Variants in DYNC1H1 observed in about 807,000 individuals in gnomAD.
The protein encoded by DYNC1H1 is cytoplasmic dynein 1 heavy chain 1.
Under a neutral mutation model 527.1 loss-of-function variants are expected in DYNC1H1, and 51 were observed. The ratio of observed to expected loss-of-function variants is 0.10; its 90% CI spans 0.08 to 0.12. The LOEUF is 0.12. Ranked by LOEUF, DYNC1H1 falls within the 10% of genes least tolerant of loss-of-function variation. The pLI, the probability that DYNC1H1 is intolerant of heterozygous loss-of-function variation, is 1.00. For missense variants in DYNC1H1, 2,771 were observed against 5,971.8 expected, an observed-to-expected ratio of 0.46 and a Z score of 17.66; for synonymous variants, 2,189 against 2,278.8, an observed-to-expected ratio of 0.96 and a Z score of 1.12.
rs11850726 is a variant in DYNC1H1 at position 102,000,160 on chromosome 14, G to T, written c.3960+16G>T. On this transcript the variant is annotated intron_variant, in intron 17 of 77. Coordinates refer to ENST00000360184, the MANE Select transcript of DYNC1H1 (RefSeq NM_001376.5). ...GCGCGTGCAGGTATGAACCACTGGG[G>T]AGTGGGTGGAGAATCCCGCTCCCCA... 6.2e-7 allele frequency: 1 copy of T among 1,614,176 alleles called. No homozygotes were observed. The highest frequency in any genetic ancestry group is 8.5e-7 in the Non-Finnish European group (1 of 1,180,024).
In DYNC1H1 at chr14:101,964,876, T is replaced by A; in HGVS notation, c.185T>A (p.Leu62Gln). The stretch of plus-strand genomic sequence containing the variant: ...GCGGCGCTGGAGGAGAAGAGCGCCC[T>A]GGAGCAGATGCGCAAGTTCCTTTCG... The part of the protein sequence containing the change: ...LEAALEEKSA[L>Q]EQMRKFLSDP... The change falls in exon 1 of 78, where the codon CTG becomes CAG. Residue 62 changes from leucine (L) to glutamine (Q), a missense_variant. Around this residue, in one of 32 missense-constraint regions of DYNC1H1, gnomAD observed 101 missense variants for 105.3 expected, o/e 0.96. Transcript: ENST00000360184. This position sits in a 1 kb window ranked among gnomAD's most constrained non-coding sequence, Gnocchi z 5.5. 1 of 1,598,582 alleles carries A rather than the reference T, an allele frequency of 6.3e-7. No homozygotes were observed. The highest frequency in any genetic ancestry group is 8.5e-7 in the Non-Finnish European group (1 of 1,173,668).
At chr14:102,050,220 C>T in intron 77 of DYNC1H1, 22 bp downstream of exon 77, 1 of 1,613,942 alleles carries the variant, frequency 6.2e-7, no homozygotes. Context: ...CTGCCTTTCC[C>T]AGGCATTCTG....
In DYNC1H1 at chr14:101,985,613, T is replaced by A; in HGVS notation, c.1462-74T>A. 6.4e-7 allele frequency: 1 copy of A among 1,559,088 alleles called. No homozygotes were observed. The stretch of plus-strand genomic sequence containing the variant: ...TGCTGGGATTACAGGTGTGAGCCAC[T>A]GCACCCGGCTTAAAATAAATTTTAA... On this transcript the variant is annotated intron_variant, in intron 7 of 77. Coordinates refer to ENST00000360184, the MANE Select transcript of DYNC1H1 (RefSeq NM_001376.5). This position sits in a 1 kb window ranked among gnomAD's most constrained non-coding sequence, Gnocchi z 5.9.
intron 1 of DYNC1H1, among the ~76,000 whole-genome samples, chr14:101,966,701 AT>A (rs563681313): frequency 5.9e-5 from 9 of 151,834 alleles, no homozygotes; most frequent in Non-Finnish European, 8.8e-5. Context: ...CAGTGATTTT[AT>A]TTTTTTTACC....
In DYNC1H1 at chr14:102,036,571, A is replaced by G; in HGVS notation, c.10837A>G (p.Ser3613Gly). ...TAAGGATCGTAAGATCACACGGACC[A>G]GCTTCCTGGATGACGCCTTCAGAAA... ...EYKDRKITRTSFLDDAFRKNL... is the reference protein window; with the variant it reads ...EYKDRKITRTGFLDDAFRKNL... The change falls in exon 57 of 78, where the codon AGC becomes GGC. Residue 3613 changes from serine to glycine, a missense_variant. Ser to Gly is a moderately conservative substitution (Grantham distance 56). Coordinates refer to ENST00000360184, the MANE Select transcript of DYNC1H1 (RefSeq NM_001376.5). This position sits in a 1 kb window ranked among gnomAD's most constrained non-coding sequence, Gnocchi z 5.6. 1 of 1,614,204 alleles carries G rather than the reference A, an allele frequency of 6.2e-7. No individual in the cohort carries two copies. The highest frequency in any genetic ancestry group is 8.5e-7 in the Non-Finnish European group (1 of 1,180,022).
chr14:101,969,342 T>G (rs1315312387), intron 1 of DYNC1H1: 2 of 154,528 alleles, frequency 1.3e-5, no homozygotes, highest in African/African-American at 4.8e-5. Context: ...CTAAAGCAGC[T>G]TTATAGTGAA....
chr14:102,005,086 C>T lies in DYNC1H1; in HGVS notation c.5283C>T (p.Asn1761=), dbSNP rs1057523440. Residue 1761 remains asparagine, a synonymous_variant, in exon 26 of 78, where the codon AAC becomes AAT. Coordinates refer to ENST00000360184, the MANE Select transcript of DYNC1H1 (RefSeq NM_001376.5). The surrounding 1 kb of genome is among the most constrained non-coding windows in gnomAD (Gnocchi z 4.0). ...CAGCCCAGATAGCCTGGTCTGAGAA[C>T]GTGGAGACCGCACTGAGCAGCATGG... ...VLSAQIAWSE[N]VETALSSMGG... is the part of the protein sequence containing the mutation. The T allele has an allele frequency of 6.8e-6, 11 of 1,614,072 alleles. No individual in the cohort carries two copies. The highest frequency in any genetic ancestry group is 1.7e-5 in the Admixed American group (1 of 60,000).
intron 16 of DYNC1H1, among the ~76,000 whole-genome samples, chr14:101,999,154 T>C (rs2048102157): frequency 6.6e-6 from 1 of 151,938 alleles, no homozygotes; most frequent in Non-Finnish European, 1.5e-5. Context: ...AGTGCTGGGA[T>C]TATAGGCGTG....
intron 69 of DYNC1H1, 106 bp from the exon 70 acceptor site, chr14:102,043,769 G>A (rs1471964608): frequency 6.6e-7 from 1 of 1,515,896 alleles, no homozygotes; most frequent in East Asian, 2.3e-5. Flanking sequence ...GCCATCGTCA[G>A]GATGTGGAGA....
intron 1 of DYNC1H1, among the ~76,000 whole-genome samples, chr14:101,970,383 C>G (rs2047719016): frequency 6.8e-6 from 1 of 146,616 alleles, no homozygotes; most frequent in Admixed American, 6.8e-5. Context: ...AAGGGGAAAA[C>G]TAAAGCGGGA....
At chr14:101,978,258 G>A (rs1288788854) in intron 2 of DYNC1H1, among the ~76,000 whole-genome samples, 1 of 152,152 alleles carries the variant, frequency 6.6e-6, no homozygotes, top group Non-Finnish European at 1.5e-5. Context: ...TGAAGTTTTT[G>A]AATAACTTTT....
chr14:102,026,016 G>C, intron 43 of DYNC1H1, among the ~76,000 whole-genome samples: 1 of 151,964 alleles, frequency 6.6e-6, no homozygotes, highest in East Asian at 1.9e-4. Flanking sequence ...TTGGGAGGCT[G>C]AGGCAGGAGA....
chr14:102,015,719 A>G lies in DYNC1H1; in HGVS notation c.7243-137A>G, dbSNP rs930653824. 2.0e-6 allele frequency: 2 copies of G among 975,746 alleles called. No individual in the cohort carries two copies. The highest frequency in any genetic ancestry group is 3.1e-6 in the Non-Finnish European group (2 of 638,840). The allele number at this position is 975,746 out of a possible 1,614,324, so 60.4% of individuals were successfully genotyped here. On this transcript the variant is annotated intron_variant, in intron 35 of 77. Coordinates refer to ENST00000360184, the MANE Select transcript of DYNC1H1 (RefSeq NM_001376.5). The surrounding 1 kb of genome is among the most constrained non-coding windows in gnomAD (Gnocchi z 6.9). ...TTTTGAGAACCACCAGGGTGAAGGA[A>G]TGAGGACTGGTCATTGAAGCTTCAT... is the stretch of plus-strand genomic sequence containing the variant.
chr14:101,987,444 T>C lies in DYNC1H1; in HGVS notation c.2539-9T>C, dbSNP rs750362256. 1.3e-4 allele frequency: 203 copies of C among 1,613,428 alleles called. No homozygotes were observed. Among genetic ancestry groups the C allele is most frequent in the Non-Finnish European group, 1.7e-4 (199 of 1,179,638 alleles). On this transcript the variant is annotated splice_polypyrimidine_tract_variant and intron_variant, in intron 8 of 77. Transcript: ENST00000360184. ...GGGTGTTTTAAATATTAAATATTTC[T>C]TCCTTCAGGTGGATGATCTGCTGAT...
At position 101,994,190 on chromosome 14, in the gene DYNC1H1, G is replaced by A. The variant is rs765669418; in HGVS notation, c.3022G>A (p.Val1008Ile). 14 of 1,614,068 alleles carry A rather than the reference G, an allele frequency of 8.7e-6. No homozygotes were observed. Among genetic ancestry groups the A allele is most frequent in the East Asian group, 2.2e-5 (1 of 44,896 alleles). Residue 1008 changes from valine to isoleucine, a missense_variant, in exon 12 of 78, where the codon GTA becomes ATA. Around this residue, in one of 32 missense-constraint regions of DYNC1H1, gnomAD observed 179 missense variants for 349.4 expected, o/e 0.51. Coordinates refer to ENST00000360184, the MANE Select transcript of DYNC1H1 (RefSeq NM_001376.5). ...TTCGGCTTTGGTTGGCTAGGTGGGTGTACATTACGAATTGACTGAGGAAGA... is the reference window on the plus strand; with the variant it reads ...TTCGGCTTTGGTTGGCTAGGTGGGTATACATTACGAATTGACTGAGGAAGA... ...RIQSQRYQVG[V>I]HYELTEEEKF...
rs767257826 is a variant in DYNC1H1 at position 102,049,895 on chromosome 14, TCA to T, written c.13684+16_13684+17del. ...TTCGGAGTCACGGGTGAGTGGAGTC[TCA>T]CAGAAAATACTGGCTCTTTGCAGGT... is the stretch of plus-strand genomic sequence containing the variant. On this transcript the variant is annotated intron_variant, in intron 76 of 77. Coordinates refer to ENST00000360184, the MANE Select transcript of DYNC1H1 (RefSeq NM_001376.5). The surrounding 1 kb of genome is among the most constrained non-coding windows in gnomAD (Gnocchi z 5.5). The T allele has an allele frequency of 6.3e-6, 10 of 1,595,566 alleles. No individual in the cohort carries two copies. Among genetic ancestry groups the T allele is most frequent in the Admixed American group, 5.3e-5 (3 of 56,640 alleles).
chr14:102,002,681 G>A lies in DYNC1H1; in HGVS notation c.4687G>A (p.Val1563Met). The change falls in exon 22 of 78, where the codon GTG (valine) becomes ATG (methionine). Residue 1563 changes from valine to methionine, a missense_variant. Physicochemically the swap from Val to Met is conservative, Grantham distance 21. This residue lies in a region of DYNC1H1 where 51 missense variants were observed against 189.2 expected (regional missense o/e 0.27). Transcript: ENST00000360184. This position sits in a 1 kb window ranked among gnomAD's most constrained non-coding sequence, Gnocchi z 4.4. ...TGCAGATATCAAGCACCTGCTGCCA[G>A]TGGAAACCCAGCGGTTTCAGAGGTA... The part of the protein sequence containing the change: ...GSADIKHLLP[V>M]ETQRFQSIST... The A allele has an allele frequency of 6.2e-7, 1 of 1,614,266 alleles. No individual in the cohort carries two copies. The highest frequency in any genetic ancestry group is 8.5e-7 in the Non-Finnish European group (1 of 1,180,052).
chr14:102,038,293 A>T lies in DYNC1H1; in HGVS notation c.10909-167A>T. The T allele has an allele frequency of 1.7e-6, 2 of 1,168,216 alleles. No homozygotes were observed. The highest frequency in any genetic ancestry group is 2.5e-6 in the Non-Finnish European group (2 of 816,098). The allele number at this position is 1,168,216 out of a possible 1,614,324, so 72.4% of individuals were successfully genotyped here. On this transcript the variant is annotated intron_variant, in intron 57 of 77. Coordinates refer to ENST00000360184, the MANE Select transcript of DYNC1H1 (RefSeq NM_001376.5). The surrounding 1 kb of genome is among the most constrained non-coding windows in gnomAD (Gnocchi z 7.2). ...CGCATCTGGCTGAGTTTTTAATTTT[A>T]GTTCATTTAAATGTAAGTAGCCACA... is the stretch of plus-strand genomic sequence containing the variant.
At chr14:101,996,540 G>A (rs1277538686) in intron 15 of DYNC1H1, among the ~76,000 whole-genome samples, 5 of 152,206 alleles carry the variant, frequency 3.3e-5, no homozygotes, top group African/African-American at 7.2e-5. Context: ...GACCAGCTGC[G>A]GTGGGCTCTC....
Sources: gnomAD v4.1 joint callset for allele counts (sites outside exome capture counted in the v4.1 genomes callset) on GRCh38, gnomAD v4.1.1 for gene constraint, gnomAD v4.1.1 regional missense constraint, Gnocchi (gnomAD v3.1) non-coding constraint, MANE v1.5 for transcripts, NCBI Gene and HGNC (gene_info 2026-07-23, HGNC 2026-07-21) for gene names.